Variants in EPHA3 observed in about 807,000 individuals in gnomAD.
EPHA3 encodes the protein ephrin type-A receptor 3.
EPHA3 carries 42 observed loss-of-function variants against 107.1 expected under a neutral mutation model. The ratio of observed to expected loss-of-function variants is 0.39; its 90% CI spans 0.31 to 0.51. The LOEUF is 0.51. Among genes scored for constraint, EPHA3 ranks in the 20% least tolerant of loss-of-function variants. EPHA3 has a pLI of 0.78. For synonymous variants in EPHA3, 461 were observed against 424.8 expected, an observed-to-expected ratio of 1.09 and a Z score of -1.05; for missense variants, 1,183 against 1,211.2, an observed-to-expected ratio of 0.98 and a Z score of 0.35.
intron 11 of EPHA3, among the ~76,000 whole-genome samples, 193 bp from the exon 12 acceptor site, chr3:89,428,913 T>A (rs1483560966): frequency 6.6e-6 from 1 of 152,114 alleles, no homozygotes; most frequent in African/African-American, 2.4e-5. Flanking sequence ...AAACCAATCT[T>A]CTCCAATTTT....
intron 1 of EPHA3, among the ~76,000 whole-genome samples, chr3:89,119,779 T>G (rs1176757881): frequency 6.6e-6 from 1 of 152,164 alleles, no homozygotes; most frequent in Non-Finnish European, 1.5e-5. Flanking sequence ...ACATGTGTGT[T>G]TGGGGATGCC....
chr3:89,284,282 C>T (rs1706024816), intron 3 of EPHA3, among the ~76,000 whole-genome samples: 2 of 151,968 alleles, frequency 1.3e-5, no homozygotes, highest in African/African-American at 4.8e-5. Flanking sequence ...TTAATAGACT[C>T]AGGTAGAGTG....
At chr3:89,203,335 CAA>C (rs1233918206) in intron 2 of EPHA3, among the ~76,000 whole-genome samples, 1,802 of 43,640 alleles carry the variant, frequency 0.041, 24 homozygotes, top group African/African-American at 0.08. Context: ...AAAAAAAAAA[CAA>C]AACAAAACAA....
rs550518844 is a variant in EPHA3, at chr3:89,316,443, T to C, written c.815-24473T>C. On this transcript the variant is annotated intron_variant, in intron 3 of 16. Coordinates refer to ENST00000336596, the MANE Select transcript of EPHA3 (RefSeq NM_005233.6). ...CGCATTTTGACAACATCTGGTACAATACAGAGGTCTTTCAGAGTATACACT... is the reference window on the plus strand; with the variant it reads ...CGCATTTTGACAACATCTGGTACAACACAGAGGTCTTTCAGAGTATACACT... Among the ~76,000 whole-genome samples, 4 of 148,196 alleles carry C rather than the reference T, an allele frequency of 2.7e-5. No individual in the cohort carries two copies. The South Asian group carries it at 8.5e-4, about 32-fold the overall frequency.
At chr3:89,454,788 T>G (rs1381918148) in intron 15 of EPHA3, among the ~76,000 whole-genome samples, 3 of 152,150 alleles carry the variant, frequency 2.0e-5, no homozygotes, top group African/African-American at 7.2e-5. Flanking sequence ...GGCCAGGAGT[T>G]GGAGACCAGT....
chr3:89,177,618 AG>A (rs542992254), intron 2 of EPHA3, among the ~76,000 whole-genome samples: 254 of 152,276 alleles, frequency 1.7e-3, no homozygotes, highest in Middle Eastern at 6.8e-3. Context: ...TTTGTTAGAA[AG>A]GGTTTTGAAA....
intron 2 of EPHA3, among the ~76,000 whole-genome samples, chr3:89,147,115 C>T (rs1390220530): frequency 6.6e-6 from 1 of 151,670 alleles, no homozygotes; most frequent in African/African-American, 2.4e-5. Context: ...TGTTATCATT[C>T]ATAAGTGGGA....
rs555088076 is a variant in EPHA3 at position 89,472,758 on chromosome 3, C to A, written c.2846+139C>A. ...CTGAGGTACTGACTACCGCCTGGAA[C>A]TGCTAATCAGGGCCCTGGGTCTCCT... On this transcript the variant is annotated intron_variant, in intron 16 of 16. Transcript: ENST00000336596. 2.3e-4 allele frequency: 224 copies of A among 965,406 alleles called. 1 individual carries two copies. Among genetic ancestry groups the A allele is most frequent in the South Asian group, 1.8e-3 (101 of 57,332 alleles). 59.8% of individuals were successfully genotyped at this position (965,406 alleles called of 1,614,324 possible). A position where few individuals can be genotyped will look rare whatever the true frequency, so the allele number is the denominator to read the frequency against.
intron 3 of EPHA3, among the ~76,000 whole-genome samples, chr3:89,222,436 T>A (rs1704401879): frequency 6.7e-6 from 1 of 148,170 alleles, no homozygotes; most frequent in Admixed American, 6.8e-5. Context: ...TATATATAGA[T>A]GTACATGCAT....
intron 5 of EPHA3, among the ~76,000 whole-genome samples, chr3:89,373,265 C>G (rs1708341841): frequency 6.6e-6 from 1 of 151,692 alleles, no homozygotes; most frequent in Non-Finnish European, 1.5e-5. Context: ...TTAATCTTTA[C>G]TTTTAAAGAA....
intron 3 of EPHA3, among the ~76,000 whole-genome samples, chr3:89,275,067 C>G (rs1235274015): frequency 6.6e-6 from 1 of 151,952 alleles, no homozygotes; most frequent in East Asian, 1.9e-4. Context: ...GTGACTTGTT[C>G]AAGGTCAAAT....
At chr3:89,160,589 T>TGTGTGTGGGG in intron 2 of EPHA3, among the ~76,000 whole-genome samples, 1 of 145,100 alleles carries the variant, frequency 6.9e-6, no homozygotes, top group East Asian at 2.1e-4. Flanking sequence ...TGTGTGTGTG[T>TGTGTGTGGGG]GCGCGCATTC....
chr3:89,329,372 A>C (rs1263617960), intron 3 of EPHA3, among the ~76,000 whole-genome samples: 9 of 152,110 alleles, frequency 5.9e-5, no homozygotes, highest in Non-Finnish European at 1.3e-4. Flanking sequence ...TAAAGTGAAC[A>C]AAAATGGCAG....
intron 3 of EPHA3, among the ~76,000 whole-genome samples, chr3:89,328,277 C>G (rs1286971141): frequency 1.3e-5 from 2 of 152,004 alleles, no homozygotes; most frequent in Admixed American, 6.6e-5. Context: ...GTAGACAGTC[C>G]ATTACATGGG....
At chr3:89,459,491 CTCCTTCCTTCCTTCCTTCCT>C (rs58738148) in intron 15 of EPHA3, among the ~76,000 whole-genome samples, 2 of 126,306 alleles carry the variant, frequency 1.6e-5, no homozygotes, top group Admixed American at 1.6e-4. Flanking sequence ...CCTTCCTTCT[CTCCTTCCTTCCTTCCTTCCT>C]TCCTTCCTTC....
chr3:89,385,669 G>A (rs1320675482), intron 5 of EPHA3, among the ~76,000 whole-genome samples: 1 of 152,108 alleles, frequency 6.6e-6, no homozygotes, highest in Non-Finnish European at 1.5e-5. Flanking sequence ...CAGAGAGTGG[G>A]GTGCTGCTAT....
intron 3 of EPHA3, among the ~76,000 whole-genome samples, chr3:89,225,437 C>A (rs1704481563): frequency 6.6e-6 from 1 of 152,182 alleles, no homozygotes. Flanking sequence ...TTATACATCT[C>A]AGCCTGTTGC....
intron 3 of EPHA3, among the ~76,000 whole-genome samples, chr3:89,237,407 A>G (rs1704792166): frequency 6.6e-6 from 1 of 152,180 alleles, no homozygotes; most frequent in South Asian, 2.1e-4. Flanking sequence ...AATAACGGCC[A>G]TACATGAGCC....
In EPHA3 at chr3:89,321,856, A is replaced by G. The variant is rs1342118610; in HGVS notation, c.815-19060A>G. Among the ~76,000 whole-genome samples the G allele has an allele frequency of 2.0e-5, 3 of 152,122 alleles. No individual in the cohort carries two copies. The East Asian group carries it at 5.8e-4, about 29-fold the overall frequency. On this transcript the variant is annotated intron_variant, in intron 3 of 16. Transcript: ENST00000336596. ...GCATTAAGCTTCTTGATAAAAAGTC[A>G]TTTACAAAACTGAGCTGCTGCTTCT... is the stretch of plus-strand genomic sequence containing the variant.
Sources: gnomAD v4.1 joint callset for allele counts (sites outside exome capture counted in the v4.1 genomes callset) on GRCh38, gnomAD v4.1.1 for gene constraint, MANE v1.5 for transcripts, NCBI Gene and HGNC (gene_info 2026-07-23, HGNC 2026-07-21) for gene names.